Variants in ROR1 observed in about 807,000 individuals in gnomAD.
The protein encoded by ROR1 is ROR family WNT receptor 1.
In ROR1, 19 loss-of-function variants were observed where a neutral mutation model predicts 78.8. The observed-to-expected ratio is 0.24, with a 90% CI of 0.17 to 0.35. The LOEUF (loss-of-function observed/expected upper bound fraction) is 0.35, where lower values mean the gene tolerates loss of function less well. Ranked by LOEUF, ROR1 falls within the 10% of genes least tolerant of loss-of-function variation. The pLI, the probability that ROR1 is intolerant of heterozygous loss-of-function variation, is 1.00. For missense variants in ROR1, 917 were observed against 1,177.8 expected, an observed-to-expected ratio of 0.78 and a Z score of 3.24; for synonymous variants, 386 against 433.6, an observed-to-expected ratio of 0.89 and a Z score of 1.36.
At chr1:64,138,630 C>G (rs1393907297) in intron 5 of ROR1, among the ~76,000 whole-genome samples, 1 of 151,172 alleles carries the variant, frequency 6.6e-6, no homozygotes, top group Non-Finnish European at 1.5e-5. Flanking sequence ...ACTGCAAGCT[C>G]TGCTTCCTAG....
intron 7 of ROR1, among the ~76,000 whole-genome samples, chr1:64,156,567 C>T (rs1374249454): frequency 6.6e-6 from 1 of 151,972 alleles, no homozygotes; most frequent in East Asian, 1.9e-4. Context: ...ATTAGCTGGG[C>T]GTGGTGGCAC....
At chr1:63,942,429 T>A (rs1557574349) in intron 1 of ROR1, among the ~76,000 whole-genome samples, 2 of 152,328 alleles carry the variant, frequency 1.3e-5, no homozygotes, top group Middle Eastern at 6.8e-3. Context: ...ATGATTTTTA[T>A]GTACCATTTT....
intron 4 of ROR1, among the ~76,000 whole-genome samples, chr1:64,064,549 G>A (rs1056892210): frequency 2.0e-5 from 3 of 152,198 alleles, no homozygotes; most frequent in African/African-American, 4.8e-5. Flanking sequence ...ACAAATAGGT[G>A]CAGCAACAGC....
chr1:63,810,311 C>CT (rs1557507660), intron 1 of ROR1, among the ~76,000 whole-genome samples: 3 of 152,272 alleles, frequency 2.0e-5, no homozygotes, highest in South Asian at 4.2e-4. Flanking sequence ...TCTCTTTCCT[C>CT]TTTTTTGTTG....
At chr1:64,071,627 G>A (rs1329573642) in intron 4 of ROR1, among the ~76,000 whole-genome samples, 1 of 147,450 alleles carries the variant, frequency 6.8e-6, no homozygotes, top group African/African-American at 2.5e-5. Flanking sequence ...AAACCTTGGT[G>A]GCTTTTGAAG....
intron 4 of ROR1, among the ~76,000 whole-genome samples, chr1:64,123,241 A>G (rs971249683): frequency 1.3e-5 from 2 of 152,194 alleles, no homozygotes; most frequent in African/African-American, 4.8e-5. Flanking sequence ...TTCCAAGCAT[A>G]GTTTGGTGAG....
At chr1:63,836,660 C>A in intron 1 of ROR1, among the ~76,000 whole-genome samples, 1 of 152,156 alleles carries the variant, frequency 6.6e-6, no homozygotes, top group East Asian at 1.9e-4. Context: ...CTAATCAGAC[C>A]TAAAATTAAT....
intron 1 of ROR1, among the ~76,000 whole-genome samples, chr1:63,842,693 T>TA (rs559327001): frequency 2.1e-4 from 32 of 152,078 alleles, no homozygotes; most frequent in African/African-American, 7.5e-4. Flanking sequence ...TTTTTTTTTT[T>TA]AATCGAAAGT....
intron 1 of ROR1, among the ~76,000 whole-genome samples, chr1:63,791,403 T>C (rs1644725974): frequency 2.0e-5 from 3 of 152,020 alleles, no homozygotes; most frequent in Admixed American, 6.6e-5. Context: ...AAGAGCCCAT[T>C]ATGTGTTTTA....
At chr1:64,044,445 C>T (rs544854724) in intron 2 of ROR1, among the ~76,000 whole-genome samples, 1 of 152,092 alleles carries the variant, frequency 6.6e-6, no homozygotes, top group East Asian at 1.9e-4. Context: ...AACTAGTGGT[C>T]ACTGTACATT....
At chr1:63,831,735 G>A (rs1644990195) in intron 1 of ROR1, among the ~76,000 whole-genome samples, 1 of 152,214 alleles carries the variant, frequency 6.6e-6, no homozygotes, top group South Asian at 2.1e-4. Flanking sequence ...CTTTATTTAT[G>A]CAAATTTCTG....
intron 2 of ROR1, among the ~76,000 whole-genome samples, chr1:64,010,300 A>G (rs563727808): frequency 2.6e-5 from 4 of 151,268 alleles, no homozygotes; most frequent in Admixed American, 6.6e-5. Flanking sequence ...ATATGATGTT[A>G]TGGTGATTTA....
At chr1:63,798,806 A>G (rs1438288430) in intron 1 of ROR1, among the ~76,000 whole-genome samples, 2 of 151,864 alleles carry the variant, frequency 1.3e-5, no homozygotes, top group Admixed American at 1.3e-4. Context: ...TTCTTTACAG[A>G]TGAGGCAACT....
intron 6 of ROR1, among the ~76,000 whole-genome samples, chr1:64,141,365 G>A (rs1370084146): frequency 6.6e-6 from 1 of 152,050 alleles, no homozygotes; most frequent in Non-Finnish European, 1.5e-5. Context: ...GAGAGTGAGT[G>A]GGGAAGTGCC....
intron 4 of ROR1, among the ~76,000 whole-genome samples, chr1:64,064,761 A>C (rs564792836): frequency 6.6e-6 from 1 of 152,326 alleles, no homozygotes; most frequent in East Asian, 1.9e-4. Flanking sequence ...ATGGTGGTAC[A>C]TTTGGCTAAG....
At chr1:64,098,329 G>C (rs181379758) in intron 4 of ROR1, among the ~76,000 whole-genome samples, 2 of 152,076 alleles carry the variant, frequency 1.3e-5, no homozygotes, top group Non-Finnish European at 2.9e-5. Context: ...GAAGGGGCCC[G>C]GGCTGTGCAG....
chr1:64,117,138 G>C (rs563226970), intron 4 of ROR1, among the ~76,000 whole-genome samples: 38 of 152,296 alleles, frequency 2.5e-4, no homozygotes, highest in Non-Finnish European at 4.4e-4. Context: ...AGGGGATAGA[G>C]GGGTGTGGGA....
At chr1:64,160,677 G>T (rs1169947137) in intron 8 of ROR1, among the ~76,000 whole-genome samples, 2 of 152,160 alleles carry the variant, frequency 1.3e-5, no homozygotes, top group Non-Finnish European at 2.9e-5. Flanking sequence ...ATGGATGGGG[G>T]TTAATATTGC....
intron 5 of ROR1, among the ~76,000 whole-genome samples, chr1:64,139,569 T>A (rs1293535116): frequency 6.6e-6 from 1 of 152,226 alleles, no homozygotes; most frequent in Admixed American, 6.5e-5. Context: ...CTGTGCTCTT[T>A]GAGAACTTCC....
Sources: allele counts gnomAD v4.1 joint callset (sites outside exome capture counted in the v4.1 genomes callset), GRCh38; gene constraint gnomAD v4.1.1; transcripts MANE v1.5; gene names NCBI Gene and HGNC (gene_info 2026-07-23, HGNC 2026-07-21).